Variants in LEF1 observed in about 807,000 individuals in gnomAD.
LEF1 encodes the protein lymphoid enhancer-binding factor 1.
A neutral mutation model predicts 51.2 loss-of-function variants in LEF1; 14 were observed. That is an observed-to-expected ratio of 0.27 (90% CI 0.18 to 0.43). The LOEUF (loss-of-function observed/expected upper bound fraction) is 0.43. LEF1 is among the 20% of genes least tolerant of loss of function. LEF1 has a pLI of 1.00. For synonymous variants in LEF1, 185 were observed against 183.2 expected (o/e 1.01, Z -0.08); for missense variants, 386 against 512.0 (o/e 0.75, Z 2.37).
intron 8 of LEF1, among the ~76,000 whole-genome samples, chr4:108,073,895 G>A (rs753954417): frequency 2.7e-5 from 4 of 150,816 alleles, no homozygotes; most frequent in East Asian, 1.9e-4. Flanking sequence ...GCGCGATCTC[G>A]GCTCACTGCA....
chr4:108,101,801 A>C (rs1237865246), intron 3 of LEF1, among the ~76,000 whole-genome samples: 1 of 152,182 alleles, frequency 6.6e-6, no homozygotes, highest in Non-Finnish European at 1.5e-5. Context: ...TCAGGAAAGC[A>C]AAAGAAAGAA....
chr4:108,155,145 G>GA (rs200315058), intron 3 of LEF1, among the ~76,000 whole-genome samples: 46 of 151,180 alleles, frequency 3.0e-4, no homozygotes, highest in African/African-American at 4.6e-4. Context: ...GATTAAGGGG[G>GA]AAAAAAAAAT....
intron 3 of LEF1, among the ~76,000 whole-genome samples, chr4:108,134,557 G>C (rs983494206): frequency 6.6e-6 from 1 of 152,214 alleles, no homozygotes; most frequent in Non-Finnish European, 1.5e-5. Context: ...GGGCCACACA[G>C]AGTTATTCCA....
At chr4:108,095,727 G>A (rs762230154) in intron 3 of LEF1, among the ~76,000 whole-genome samples, 13 of 152,102 alleles carry the variant, frequency 8.5e-5, no homozygotes, top group South Asian at 8.3e-4. Flanking sequence ...CAAACATTAC[G>A]TCATTTAATC....
intron 3 of LEF1, among the ~76,000 whole-genome samples, chr4:108,134,105 C>A (rs1743083067): frequency 6.6e-6 from 1 of 150,500 alleles, no homozygotes; most frequent in Admixed American, 6.6e-5. Flanking sequence ...AATTAGTGGG[C>A]TAACGAGTAT....
chr4:108,080,083 T>C (rs1739184898), intron 6 of LEF1, among the ~76,000 whole-genome samples: 1 of 152,114 alleles, frequency 6.6e-6, no homozygotes, highest in Non-Finnish European at 1.5e-5. Flanking sequence ...ATTAACATCA[T>C]CCAAAATGAT....
chr4:108,072,455 G>A (rs939168768), intron 8 of LEF1, among the ~76,000 whole-genome samples: 1 of 152,230 alleles, frequency 6.6e-6, no homozygotes, highest in Non-Finnish European at 1.5e-5. Context: ...AAGGGTAACA[G>A]AGTCCGTTTC....
At chr4:108,081,030 A>G (rs1015100541) in intron 6 of LEF1, among the ~76,000 whole-genome samples, 1 of 152,052 alleles carries the variant, frequency 6.6e-6, no homozygotes, top group Non-Finnish European at 1.5e-5. Flanking sequence ...CCATGTCCAC[A>G]CAGGGCCTGA....
chr4:108,057,781 A>G (rs567002318), intron 11 of LEF1, among the ~76,000 whole-genome samples: 1 of 152,264 alleles, frequency 6.6e-6, no homozygotes, highest in East Asian at 1.9e-4. Context: ...GAGCTTAGCA[A>G]TTACCTCTCA....
At chr4:108,116,610 C>A (rs1741857844) in intron 3 of LEF1, among the ~76,000 whole-genome samples, 2 of 152,224 alleles carry the variant, frequency 1.3e-5, no homozygotes, top group South Asian at 4.1e-4. Flanking sequence ...ATGATGGCCA[C>A]ACACATAAAA....
chr4:108,141,092 A>T (rs1435046921), intron 3 of LEF1, among the ~76,000 whole-genome samples: 1 of 152,240 alleles, frequency 6.6e-6, no homozygotes, highest in Admixed American at 6.5e-5. Context: ...TGTTAGCAGT[A>T]GTATGTACTC....
intron 4 of LEF1, among the ~76,000 whole-genome samples, chr4:108,083,725 C>T (rs567232538): frequency 6.6e-6 from 1 of 152,056 alleles, no homozygotes; most frequent in African/African-American, 2.4e-5. Context: ...ATTTGTTTTG[C>T]CCTCAATATT....
chr4:108,139,879 T>TA (rs1743534541), intron 3 of LEF1, among the ~76,000 whole-genome samples: 1 of 152,160 alleles, frequency 6.6e-6, no homozygotes, highest in East Asian at 1.9e-4. Context: ...TTCAGATAGT[T>TA]ATAATTAATA....
At chr4:108,135,575 C>T (rs1284509223) in intron 3 of LEF1, among the ~76,000 whole-genome samples, 1 of 152,108 alleles carries the variant, frequency 6.6e-6, no homozygotes, top group Non-Finnish European at 1.5e-5. Context: ...TGGCATGCCC[C>T]AGGAGAGGTA....
At position 108,084,458 on chromosome 4, in the gene LEF1, G is replaced by A. The variant is rs13119416; in HGVS notation, c.548-1012C>T. ...GGAATTAGATGAGTACATGGAAGAT[G>A]TTTCTTAAATATTCTGCTTTTTACT... On this transcript the variant is annotated intron_variant, in intron 4 of 11. Coordinates refer to ENST00000265165, the MANE Select transcript of LEF1 (RefSeq NM_016269.5). Among the ~76,000 whole-genome samples, 748 of 152,296 alleles carry A rather than the reference G, an allele frequency of 4.9e-3. 2 individuals are homozygous for A. The highest frequency in any genetic ancestry group is 8.7e-3 in the Non-Finnish European group (593 of 68,030).
At chr4:108,119,993 ATGTGTGTGTGTGTGTG>A (rs34987010) in intron 3 of LEF1, among the ~76,000 whole-genome samples, 8 of 149,484 alleles carry the variant, frequency 5.4e-5, no homozygotes, top group South Asian at 2.1e-4. Flanking sequence ...TATTTTATAT[ATGTGTGTGTGTGTGTG>A]TGTGTGTGTG....
chr4:108,078,462 C>T (rs780342696), intron 7 of LEF1, 80 bp from the exon 8 acceptor site: 8 of 1,565,786 alleles, frequency 5.1e-6, no homozygotes, highest in Middle Eastern at 1.7e-4. Flanking sequence ...AAGCAGAGCA[C>T]CTGCTCACAT....
intron 3 of LEF1, among the ~76,000 whole-genome samples, chr4:108,115,397 C>A (rs1741771013): frequency 6.6e-6 from 1 of 152,148 alleles, no homozygotes; most frequent in South Asian, 2.1e-4. Flanking sequence ...GCTATGTAAC[C>A]TTGAGAAAAT....
At chr4:108,148,681 A>G (rs1744142111) in intron 3 of LEF1, among the ~76,000 whole-genome samples, 1 of 152,232 alleles carries the variant, frequency 6.6e-6, no homozygotes. Flanking sequence ...TCTTCAATGA[A>G]TATTTACGGA....
Sources: allele counts gnomAD v4.1 joint callset (sites outside exome capture counted in the v4.1 genomes callset), GRCh38; gene constraint gnomAD v4.1.1; transcripts MANE v1.5; gene names NCBI Gene and HGNC (gene_info 2026-07-23, HGNC 2026-07-21).